Variants in EDIL3 observed in about 807,000 individuals in gnomAD.
The protein encoded by EDIL3 is EGF-like repeat and discoidin I-like domain-containing protein 3.
A neutral mutation model predicts 67.4 loss-of-function variants in EDIL3; 37 were observed. The observed-to-expected ratio is 0.55, with a 90% confidence interval of 0.42 to 0.72. EDIL3 has a LOEUF of 0.72. EDIL3 is among the 30% of genes least tolerant of loss of function. EDIL3 has a pLI of 0.00. For synonymous variants in EDIL3, 195 were observed against 196.3 expected, an observed-to-expected ratio of 0.99 and a Z score of 0.05; for missense variants, 527 against 586.3, an observed-to-expected ratio of 0.90 and a Z score of 1.04.
At chr5:84,230,770 T>A (rs1335571448) in intron 2 of EDIL3, among the ~76,000 whole-genome samples, 1 of 151,224 alleles carries the variant, frequency 6.6e-6, no homozygotes, top group Non-Finnish European at 1.5e-5. Context: ...GTGATGTGTG[T>A]GTGTGTGTGT....
intron 9 of EDIL3, among the ~76,000 whole-genome samples, chr5:83,986,876 T>C (rs1745065637): frequency 6.6e-6 from 1 of 152,052 alleles, no homozygotes; most frequent in South Asian, 2.1e-4. Flanking sequence ...AGAATTTCCA[T>C]GTGGCTGGAG....
intron 5 of EDIL3, among the ~76,000 whole-genome samples, chr5:84,131,997 T>C (rs138148572): frequency 3.3e-5 from 5 of 151,490 alleles, no homozygotes; most frequent in African/African-American, 9.7e-5. Flanking sequence ...CTTTGGGAGA[T>C]TGAGGTGGGC....
chr5:84,018,595 G>C (rs1179301727), intron 9 of EDIL3, among the ~76,000 whole-genome samples: 1 of 152,102 alleles, frequency 6.6e-6, no homozygotes, highest in Admixed American at 6.6e-5. Flanking sequence ...CTACCTCCTT[G>C]TGATGGTCCC....
Position 84,229,884 on chromosome 5 carries a change from G to A in EDIL3, c.197C>T (p.Ala66Val). The change falls in exon 3 of 11, where the codon GCA (alanine) becomes GTA (valine). Residue 66 changes from alanine (A) to valine (V), a missense_variant and splice_region_variant. This residue lies in a region of EDIL3 where 494 missense variants were observed against 522.5 expected (regional missense o/e 0.95). Transcript: ENST00000296591. ...DPNCSSVVEV[A>V]SDEEEPTSAG... ...TGAAGTTGGTTCTTCTTCATCTGAT[G>A]CTATGATAAGAGGAAAAGGTGAAAT... The A allele has an allele frequency of 6.2e-7, 1 of 1,600,728 alleles. No individual in the cohort carries two copies. The highest frequency in any genetic ancestry group is 8.5e-7 in the Non-Finnish European group (1 of 1,172,218).
At chr5:83,952,647 T>C (rs1312591261) in intron 10 of EDIL3, among the ~76,000 whole-genome samples, 2 of 151,784 alleles carry the variant, frequency 1.3e-5, no homozygotes, top group Non-Finnish European at 2.9e-5. Context: ...GCAACTTGCC[T>C]CTCTATTGAA....
intron 5 of EDIL3, among the ~76,000 whole-genome samples, chr5:84,113,010 T>C (rs894436769): frequency 4.6e-5 from 7 of 152,270 alleles, no homozygotes; most frequent in African/African-American, 1.7e-4. Flanking sequence ...TTTTTTATGA[T>C]GAGTAAAGAA....
At chr5:84,052,563 C>A (rs1388794617) in intron 9 of EDIL3, among the ~76,000 whole-genome samples, 2 of 152,070 alleles carry the variant, frequency 1.3e-5, no homozygotes, top group Non-Finnish European at 2.9e-5. Context: ...TCAGGAAACC[C>A]ATCTCACGTG....
chr5:84,110,187 T>G (rs1747534193), intron 5 of EDIL3, among the ~76,000 whole-genome samples: 1 of 152,118 alleles, frequency 6.6e-6, no homozygotes, highest in African/African-American at 2.4e-5. Flanking sequence ...AACAGTAAAG[T>G]AATAAGCAAA....
At chr5:84,259,945 A>G (rs570781248) in intron 1 of EDIL3, among the ~76,000 whole-genome samples, 2 of 152,326 alleles carry the variant, frequency 1.3e-5, no homozygotes, top group African/African-American at 4.8e-5. Flanking sequence ...ATATAATTAT[A>G]CAACTTCTCA....
intron 9 of EDIL3, among the ~76,000 whole-genome samples, chr5:84,011,409 A>G (rs1293066238): frequency 6.6e-6 from 1 of 151,976 alleles, no homozygotes; most frequent in Non-Finnish European, 1.5e-5. Flanking sequence ...CAAGTTCAAA[A>G]TCCTTTCTTA....
At chr5:84,378,375 C>G (rs992368354) in intron 1 of EDIL3, among the ~76,000 whole-genome samples, 1 of 152,082 alleles carries the variant, frequency 6.6e-6, no homozygotes, top group African/African-American at 2.4e-5. Context: ...CTTACCACTC[C>G]CCACCCCAAA....
intron 2 of EDIL3, among the ~76,000 whole-genome samples, chr5:84,243,144 G>A (rs181208226): frequency 1.3e-5 from 2 of 152,188 alleles, no homozygotes; most frequent in African/African-American, 4.8e-5. Context: ...AAAGGGTGAG[G>A]AAAAAAGTCT....
chr5:84,160,739 TCTTTTCTTTCCTTTC>T (rs1561449291), intron 4 of EDIL3, among the ~76,000 whole-genome samples: 8 of 120,614 alleles, frequency 6.6e-5, no homozygotes, highest in African/African-American at 2.0e-4. Context: ...TTTTTTCTTT[TCTTTTCTTTCCTTTC>T]CTTTCCTTTC....
intron 1 of EDIL3, among the ~76,000 whole-genome samples, chr5:84,304,523 G>A (rs1746225636): frequency 6.6e-6 from 1 of 152,168 alleles, no homozygotes; most frequent in Non-Finnish European, 1.5e-5. Flanking sequence ...TAATGAAGTT[G>A]ACACAAGAAT....
At chr5:84,134,717 G>A (rs1748057666) in intron 5 of EDIL3, among the ~76,000 whole-genome samples, 1 of 152,058 alleles carries the variant, frequency 6.6e-6, no homozygotes, top group African/African-American at 2.4e-5. Context: ...TTTGTTATAT[G>A]TCCTTAAAAT....
chr5:84,079,092 G>C (rs1327684021), intron 6 of EDIL3, among the ~76,000 whole-genome samples: 1 of 152,114 alleles, frequency 6.6e-6, no homozygotes, highest in Non-Finnish European at 1.5e-5. Flanking sequence ...CAAAGAACAG[G>C]TTTCAGACAG....
chr5:84,093,945 A>C (rs1274761413), intron 6 of EDIL3, among the ~76,000 whole-genome samples: 1 of 152,140 alleles, frequency 6.6e-6, no homozygotes, highest in Non-Finnish European at 1.5e-5. Flanking sequence ...GGTTTGGGCC[A>C]CCATGCCCAG....
At position 83,963,380 on chromosome 5, in the gene EDIL3, CA is replaced by C. The variant is rs1438019053; in HGVS notation, c.1138-21del. 1.3e-5 allele frequency: 20 copies of C among 1,582,744 alleles called. No individual in the cohort carries two copies. Among genetic ancestry groups the C allele is most frequent in the Non-Finnish European group, 1.7e-5 (20 of 1,167,944 alleles). On this transcript the variant is annotated intron_variant, in intron 9 of 10. Coordinates refer to ENST00000296591, the MANE Select transcript of EDIL3 (RefSeq NM_005711.5). Reference sequence around the variant, plus strand: ...ATCCACCTTAAAAAAAAGAAAAATACAGGCTTTAAATGCGACAACCAAGTTG... The same window carrying C: ...ATCCACCTTAAAAAAAAGAAAAATACGGCTTTAAATGCGACAACCAAGTTG...
Position 84,251,400 on chromosome 5 carries a change from C to G in EDIL3, c.196+2684G>C, listed in dbSNP as rs139263426. ...TGCTGGGATTACCGACCAGCGTGAGCCACCACGCCCGGCCTTTTTTTTTTT... is the reference window on the plus strand; with the variant it reads ...TGCTGGGATTACCGACCAGCGTGAGGCACCACGCCCGGCCTTTTTTTTTTT... On this transcript the variant is annotated intron_variant, in intron 2 of 10. Transcript: ENST00000296591. Among the ~76,000 whole-genome samples, 396 of 151,242 alleles carry G rather than the reference C, an allele frequency of 2.6e-3. 6 individuals are homozygous for G. The highest frequency in any genetic ancestry group is 8.6e-3 in the African/African-American group (356 of 41,292).
Sources: gnomAD v4.1 joint callset for allele counts (sites outside exome capture counted in the v4.1 genomes callset) on GRCh38, gnomAD v4.1.1 for gene constraint, gnomAD v4.1.1 regional missense constraint, MANE v1.5 for transcripts, NCBI Gene and HGNC (gene_info 2026-07-23, HGNC 2026-07-21) for gene names.